The following AMBRA1 variants were observed in gnomAD, a reference collection of about 807,000 sequenced individuals.
AMBRA1 encodes activating molecule in BECN1-regulated autophagy protein 1.
Under a neutral mutation model 125.4 loss-of-function variants are expected in AMBRA1, and 47 were observed. The ratio of observed to expected loss-of-function variants is 0.37; its 90% CI spans 0.30 to 0.48. AMBRA1 has a LOEUF of 0.48. Among genes scored for constraint, AMBRA1 ranks in the 20% least tolerant of loss-of-function variants. The pLI is 0.99. For missense variants in AMBRA1, 1,331 were observed against 1,693.4 expected, an observed-to-expected ratio of 0.79 and a Z score of 3.76; for synonymous variants, 626 against 655.5, an observed-to-expected ratio of 0.95 and a Z score of 0.69.
At chr11:46,522,809 A>AT (rs1216504461) in intron 7 of AMBRA1, among the ~76,000 whole-genome samples, 1 of 152,144 alleles carries the variant, frequency 6.6e-6, no homozygotes, top group African/African-American at 2.4e-5. Flanking sequence ...CTTAAAAAAC[A>AT]TTTTTTCACA....
chr11:46,428,238 A>G (rs1414550012), intron 14 of AMBRA1, among the ~76,000 whole-genome samples: 2 of 152,078 alleles, frequency 1.3e-5, no homozygotes, highest in Non-Finnish European at 2.9e-5. Flanking sequence ...TTTCTTTTCA[A>G]TGTGTCCTAC....
chr11:46,546,967 A>T, intron 4 of AMBRA1, 146 bp downstream of exon 4: 1 of 695,716 alleles, frequency 1.4e-6, no homozygotes, highest in East Asian at 2.9e-5. Flanking sequence ...GCTACTTGGG[A>T]GGCTGAAGCA....
At position 46,534,616 on chromosome 11, in the gene AMBRA1, G is replaced by A. The variant is rs1056159697; in HGVS notation, c.2072+7329C>T. Among the ~76,000 whole-genome samples, 11 of 152,156 alleles carry A rather than the reference G, an allele frequency of 7.2e-5. No individual in the cohort carries two copies. The East Asian group carries it at 9.6e-4, about 13-fold the overall frequency. The stretch of plus-strand genomic sequence containing the variant: ...ACAGTTTACAAGCCCAACTCTCAGC[G>A]TTATTAGGAAGAACCAAACTCATCC... On this transcript the variant is annotated intron_variant, in intron 7 of 17. Transcript: ENST00000683756.
chr11:46,447,534 C>CA (rs1052140917), intron 11 of AMBRA1, among the ~76,000 whole-genome samples: 10 of 151,950 alleles, frequency 6.6e-5, no homozygotes, highest in Non-Finnish European at 1.3e-4. Flanking sequence ...GATTCTGTCT[C>CA]AAAAAACCCA....
At chr11:46,567,389 C>CA (rs1368267802) in intron 1 of AMBRA1, among the ~76,000 whole-genome samples, 1 of 148,904 alleles carries the variant, frequency 6.7e-6, no homozygotes, top group African/African-American at 2.5e-5. Context: ...TTTTTTGAGA[C>CA]AGAGTCTTGC....
At chr11:46,592,764 A>G (rs907293590) in intron 1 of AMBRA1, among the ~76,000 whole-genome samples, 6 of 151,876 alleles carry the variant, frequency 4.0e-5, no homozygotes, top group Non-Finnish European at 8.8e-5. Context: ...TTAAAAAAAA[A>G]AAAGAAAAAA....
chr11:46,585,898 G>C (rs566607680), intron 1 of AMBRA1, among the ~76,000 whole-genome samples: 1 of 148,646 alleles, frequency 6.7e-6, no homozygotes, highest in Non-Finnish European at 1.5e-5. Context: ...CTCCGCCTCC[G>C]GGGTTCAAGC....
chr11:46,443,062 C>A (rs1948098236), intron 12 of AMBRA1, among the ~76,000 whole-genome samples: 1 of 152,166 alleles, frequency 6.6e-6, no homozygotes, highest in Non-Finnish European at 1.5e-5. Flanking sequence ...ATGTCTTGCA[C>A]CCACCCTCAG....
intron 1 of AMBRA1, among the ~76,000 whole-genome samples, chr11:46,556,537 ATATT>A (rs1191170559): frequency 2.0e-5 from 3 of 152,160 alleles, no homozygotes; most frequent in East Asian, 3.9e-4. Context: ...GTCATGAGTG[ATATT>A]TATTTTATTG....
At chr11:46,506,446 G>A (rs912337451) in intron 9 of AMBRA1, among the ~76,000 whole-genome samples, 1 of 152,198 alleles carries the variant, frequency 6.6e-6, no homozygotes, top group Non-Finnish European at 1.5e-5. Flanking sequence ...TGGTACAAAG[G>A]TTGTTCTCAC....
At chr11:46,581,303 T>A (rs2044160210) in intron 1 of AMBRA1, among the ~76,000 whole-genome samples, 1 of 151,620 alleles carries the variant, frequency 6.6e-6, no homozygotes, top group Non-Finnish European at 1.5e-5. Context: ...TGAAACCCTG[T>A]CGCTACTAAA....
At chr11:46,495,371 C>A (rs1180950941) in intron 9 of AMBRA1, 2 of 152,230 alleles carry the variant, frequency 1.3e-5, no homozygotes, top group South Asian at 2.1e-4. Context: ...GGGAACTTCA[C>A]AAGCCAGAAA....
chr11:46,449,571 G>A (rs2136778953), intron 11 of AMBRA1, among the ~76,000 whole-genome samples: 1 of 152,244 alleles, frequency 6.6e-6, no homozygotes, highest in African/African-American at 2.4e-5. Context: ...GAATAGGAAG[G>A]CTCAGTACTG....
At chr11:46,459,202 G>A (rs1948987786) in intron 11 of AMBRA1, among the ~76,000 whole-genome samples, 3 of 152,066 alleles carry the variant, frequency 2.0e-5, no homozygotes, top group South Asian at 4.1e-4. Context: ...AAAATAAAAT[G>A]ATGAAAACTA....
At chr11:46,584,801 G>A (rs891973407) in intron 1 of AMBRA1, among the ~76,000 whole-genome samples, 5 of 152,148 alleles carry the variant, frequency 3.3e-5, no homozygotes, top group Non-Finnish European at 5.9e-5. Flanking sequence ...GCCAGGCTCA[G>A]TGGCTAACAC....
At chr11:46,551,920 T>C (rs547242739) in intron 1 of AMBRA1, among the ~76,000 whole-genome samples, 4 of 151,290 alleles carry the variant, frequency 2.6e-5, no homozygotes, top group Admixed American at 6.6e-5. Flanking sequence ...CCCAGCTACT[T>C]GGGAGGCTGA....
intron 5 of AMBRA1, among the ~76,000 whole-genome samples, chr11:46,544,368 T>C (rs1183141929): frequency 6.6e-6 from 1 of 152,174 alleles, no homozygotes; most frequent in East Asian, 1.9e-4. Flanking sequence ...AATGCTCTCA[T>C]ACTCTGCCAC....
intron 11 of AMBRA1, among the ~76,000 whole-genome samples, chr11:46,475,172 T>C (rs963933259): frequency 6.6e-6 from 1 of 152,234 alleles, no homozygotes; most frequent in African/African-American, 2.4e-5. Context: ...TCAGCCTATC[T>C]GGCAGGCAGC....
chr11:46,421,000 T>C (rs1254496362), intron 14 of AMBRA1, among the ~76,000 whole-genome samples: 2 of 152,156 alleles, frequency 1.3e-5, no homozygotes, highest in Non-Finnish European at 2.9e-5. Flanking sequence ...GACCAGAAAG[T>C]AACAAAACAA....
Sources: allele counts gnomAD v4.1 joint callset (sites outside exome capture counted in the v4.1 genomes callset), GRCh38; gene constraint gnomAD v4.1.1; transcripts MANE v1.5; gene names NCBI Gene and HGNC (gene_info 2026-07-23, HGNC 2026-07-21).